The following TRAF5 variants were observed in gnomAD, a reference collection of about 807,000 sequenced individuals.
TRAF5 encodes the protein TNF receptor-associated factor 5.
TRAF5 carries 48 observed loss-of-function variants against 64.5 expected under a neutral mutation model. The observed-to-expected ratio is 0.74, with a 90% confidence interval of 0.59 to 0.95. The LOEUF is 0.95. Among genes scored for constraint, TRAF5 ranks in the 40% least tolerant of loss-of-function variants. TRAF5 has a pLI of 0.00. For synonymous variants in TRAF5, 206 were observed against 240.5 expected, an observed-to-expected ratio of 0.86 and a Z score of 1.33; for missense variants, 545 against 662.8, an observed-to-expected ratio of 0.82 and a Z score of 1.95.
chr1:211,349,059 T>G (rs1454652963), intron 1 of TRAF5, among the ~76,000 whole-genome samples: 3 of 56,378 alleles, frequency 5.3e-5, no homozygotes, highest in African/African-American at 1.7e-4. Flanking sequence ...AAAAAAAAAA[T>G]TAGCCAGGCG....
chr1:211,356,618 A>C (rs1474652231), intron 4 of TRAF5, 150 bp downstream of exon 4: 6 of 678,626 alleles, frequency 8.8e-6, no homozygotes, highest in South Asian at 1.8e-5. Flanking sequence ...ACAGGTGGCT[A>C]CAGTGCTGTA....
chr1:211,372,793 A>C lies in TRAF5; in HGVS notation c.*91A>C. The C allele has an allele frequency of 4.2e-6, 5 of 1,197,792 alleles. No homozygotes were observed. Among genetic ancestry groups the C allele is most frequent in the Non-Finnish European group, 5.9e-6 (5 of 842,266 alleles). 74.2% of individuals were successfully genotyped at this position (1,197,792 alleles called of 1,614,324 possible). A position where few individuals can be genotyped will look rare whatever the true frequency, so the allele number is the denominator to read the frequency against. On this transcript the variant is annotated 3_prime_UTR_variant, in exon 11 of 11. Coordinates refer to ENST00000261464, the MANE Select transcript of TRAF5 (RefSeq NM_001033910.3). ...ATCATATTGACCTGGATTTAGACTC[A>C]AAGCACATTTGTATTTGCCTTTTTC...
At chr1:211,327,862 C>G (rs1702063783) in intron 1 of TRAF5, among the ~76,000 whole-genome samples, 1 of 152,250 alleles carries the variant, frequency 6.6e-6, no homozygotes, top group Non-Finnish European at 1.5e-5. Context: ...CCTCCATAGC[C>G]TTGGGCTCTG....
intron 3 of TRAF5, among the ~76,000 whole-genome samples, chr1:211,356,031 A>G (rs903502438): frequency 6.6e-6 from 1 of 152,200 alleles, no homozygotes; most frequent in African/African-American, 2.4e-5. Context: ...TAATACATTT[A>G]CCCTGGGACA....
In TRAF5 at chr1:211,360,069, A is replaced by G. The variant is rs1300855630; in HGVS notation, c.536A>G (p.Asn179Ser). ...TGCAAAAAGGATGTGGTAGTCATCA[A>G]TCTACAGGTGAAAAACAACACATAC... is the stretch of plus-strand genomic sequence containing the variant. Reference protein sequence around the residue: ...LYCKKDVVVINLQNHEENLCP... With the variant: ...LYCKKDVVVISLQNHEENLCP... The change falls in exon 5 of 11, where the codon AAT becomes AGT. Residue 179 changes from asparagine (N) to serine (S), a missense_variant. Transcript: ENST00000261464. The G allele has an allele frequency of 2.5e-6, 4 of 1,614,088 alleles. No homozygotes were observed. Among genetic ancestry groups the G allele is most frequent in the Admixed American group, 1.7e-5 (1 of 60,030 alleles).
At chr1:211,326,799 C>T (rs1455656994), upstream of TRAF5, 20 of 984,072 alleles carry the variant, frequency 2.0e-5, no homozygotes, top group Non-Finnish European at 2.4e-5. The surrounding 1 kb of genome is among the most constrained non-coding windows in gnomAD (Gnocchi z 5.0). Context: ...CCCCAGGCCT[C>T]GCCTCCGCTT....
At chr1:211,340,988 C>G (rs1455484306) in intron 1 of TRAF5, among the ~76,000 whole-genome samples, 2 of 152,186 alleles carry the variant, frequency 1.3e-5, no homozygotes, top group Non-Finnish European at 2.9e-5. Context: ...TGAGCCACCG[C>G]GCCTGGCCTC....
At chr1:211,344,609 G>C (rs1702539619) in intron 1 of TRAF5, among the ~76,000 whole-genome samples, 1 of 152,200 alleles carries the variant, frequency 6.6e-6, no homozygotes, top group Non-Finnish European at 1.5e-5. Flanking sequence ...CCTGGTTAAA[G>C]GGGTTTCTTC....
At chr1:211,340,005 G>A (rs933950159) in intron 1 of TRAF5, among the ~76,000 whole-genome samples, 3 of 152,190 alleles carry the variant, frequency 2.0e-5, no homozygotes, top group African/African-American at 7.2e-5. Context: ...TTGACCTTTG[G>A]TAGCTAAAAG....
At chr1:211,369,373 T>G (rs566295236) in intron 8 of TRAF5, 79 bp from the exon 9 acceptor site, 1 of 1,227,610 alleles carries the variant, frequency 8.1e-7, no homozygotes, top group South Asian at 2.4e-5. Context: ...CTTTCTTAGC[T>G]GCAAGTGCAT....
At chr1:211,333,383 T>G (rs945174794) in intron 1 of TRAF5, among the ~76,000 whole-genome samples, 2 of 152,068 alleles carry the variant, frequency 1.3e-5, no homozygotes, top group African/African-American at 4.8e-5. Context: ...GAAACGGGAT[T>G]TCACCATGCT....
chr1:211,328,755 A>G (rs1702084810), intron 1 of TRAF5, among the ~76,000 whole-genome samples: 1 of 152,152 alleles, frequency 6.6e-6, no homozygotes, highest in Non-Finnish European at 1.5e-5. Context: ...TTGAAGGAAA[A>G]ATAATTATTT....
chr1:211,334,840 C>G (rs1291541180), intron 1 of TRAF5, among the ~76,000 whole-genome samples: 1 of 152,164 alleles, frequency 6.6e-6, no homozygotes, highest in African/African-American at 2.4e-5. Context: ...GCTGTGTTAA[C>G]TTGTTTCTGC....
At chr1:211,366,967 TTG>T (rs1553272283) in intron 8 of TRAF5, among the ~76,000 whole-genome samples, 14 of 40,914 alleles carry the variant, frequency 3.4e-4, no homozygotes, top group Admixed American at 1.3e-3. Flanking sequence ...GGTCAGCTAA[TTG>T]TTTGTTTGTT....
chr1:211,369,242 T>C, intron 8 of TRAF5: 1 of 387,272 alleles, frequency 2.6e-6, no homozygotes, highest in South Asian at 5.7e-5. Flanking sequence ...AAAAGGCTGA[T>C]GAGAAATTCT....
chr1:211,359,389 C>G (rs1703097981), intron 4 of TRAF5: 1 of 152,282 alleles, frequency 6.6e-6, no homozygotes, highest in Non-Finnish European at 1.5e-5. Context: ...CTTACTGTCC[C>G]TTCTTTTCAT....
intron 1 of TRAF5, among the ~76,000 whole-genome samples, chr1:211,331,571 G>T (rs1197580013): frequency 6.6e-6 from 1 of 152,152 alleles, no homozygotes; most frequent in African/African-American, 2.4e-5. Context: ...GAGCATTGTG[G>T]GGTTTCTGGG....
chr1:211,335,046 T>G (rs1035688522), intron 1 of TRAF5, among the ~76,000 whole-genome samples: 4 of 152,232 alleles, frequency 2.6e-5, no homozygotes, highest in African/African-American at 4.8e-5. Flanking sequence ...TAATTCTTGC[T>G]TGTAGGTCTC....
chr1:211,327,084 G>A (rs1702034846), intron 1 of TRAF5, among the ~76,000 whole-genome samples, 195 bp downstream of exon 1: 1 of 152,060 alleles, frequency 6.6e-6, no homozygotes, highest in African/African-American at 2.4e-5. Context: ...CCGGGCTTGC[G>A]GGAGACCGGC....
Sources: allele counts gnomAD v4.1 joint callset (sites outside exome capture counted in the v4.1 genomes callset), GRCh38; gene constraint gnomAD v4.1.1; non-coding constraint Gnocchi (gnomAD v3.1); transcripts MANE v1.5; gene names NCBI Gene and HGNC (gene_info 2026-07-23, HGNC 2026-07-21).